The following BTBD9 variants were observed in gnomAD, a reference collection of about 807,000 sequenced individuals.
BTBD9 encodes the protein BTB domain containing 9, also known as BTB/POZ domain-containing protein 9.
In BTBD9, 49 loss-of-function variants were observed where a neutral mutation model predicts 64.3. The observed-to-expected ratio is 0.76, with a 90% CI of 0.61 to 0.97. The LOEUF is 0.97. BTBD9 is among the 50% of genes least tolerant of loss of function. The pLI, the probability that BTBD9 is intolerant of heterozygous loss-of-function variation, is 0.00. For synonymous variants in BTBD9, 260 were observed against 274.7 expected (o/e 0.95, Z 0.53); for missense variants, 598 against 762.1 (o/e 0.78, Z 2.53).
chr6:38,473,193 T>G (rs1385518011), intron 6 of BTBD9, among the ~76,000 whole-genome samples: 1 of 152,218 alleles, frequency 6.6e-6, no homozygotes, highest in Admixed American at 6.5e-5. Flanking sequence ...TTCTCTCTTC[T>G]ATTTATCCAT....
chr6:38,592,462 C>T (rs1489722369), intron 4 of BTBD9, 114 bp downstream of exon 4: 25 of 1,125,348 alleles, frequency 2.2e-5, no homozygotes, highest in Middle Eastern at 2.2e-4. Context: ...TGTTTATAAA[C>T]GTACATATTT....
At chr6:38,556,534 TGTGTGTGTGTGTGTGTGA>T (rs1449863563) in intron 6 of BTBD9, among the ~76,000 whole-genome samples, 2 of 52,194 alleles carry the variant, frequency 3.8e-5, no homozygotes, top group Non-Finnish European at 3.5e-5. Flanking sequence ...TGTGTGTGTG[TGTGTGTGTGTGTGTGTGA>T]GAGAGAGAGA....
At chr6:38,280,576 T>C (rs1304221337) in intron 8 of BTBD9, among the ~76,000 whole-genome samples, 3 of 152,236 alleles carry the variant, frequency 2.0e-5, no homozygotes, top group Admixed American at 6.5e-5. Context: ...AAAGGAAATT[T>C]CTAGCTCTCT....
chr6:38,275,147 G>C (rs1482191073), intron 8 of BTBD9, among the ~76,000 whole-genome samples: 1 of 152,148 alleles, frequency 6.6e-6, no homozygotes, highest in Non-Finnish European at 1.5e-5. Flanking sequence ...TTCCAAAACA[G>C]AGATATAGAT....
intron 3 of BTBD9, among the ~76,000 whole-genome samples, chr6:38,593,211 A>G (rs1030816675): frequency 2.0e-5 from 3 of 152,232 alleles, no homozygotes; most frequent in African/African-American, 7.2e-5. Context: ...GGCATTTAAA[A>G]TTCAAATTTT....
chr6:38,588,367 T>G, intron 4 of BTBD9: 1 of 863,338 alleles, frequency 1.2e-6, no homozygotes, highest in East Asian at 2.4e-5. Context: ...GGCCCCTGCC[T>G]CTCAACCTAG....
rs183072227 is a variant in BTBD9 at position 38,442,739 on chromosome 6, G to A, written c.1155-97646C>T. On this transcript the variant is annotated intron_variant, in intron 6 of 10. Transcript: ENST00000481247. ...GGCTGCAGTGCAATGGTGCAATCTC[G>A]GCTTACCGCAACCTCTGCCTCCCAG... 5.7e-5 allele frequency among the ~76,000 whole-genome samples: 8 copies of A among 139,938 alleles called. No individual in the cohort carries two copies. The East Asian group carries it at 1.7e-3, about 29-fold the overall frequency. The allele number at this position is 139,938 out of a possible 152,430, so 91.8% of individuals were successfully genotyped here. A position where few individuals can be genotyped will look rare whatever the true frequency, so the allele number is the denominator to read the frequency against.
chr6:38,179,276 C>A (rs948675504), intron 10 of BTBD9: 3 of 356,106 alleles, frequency 8.4e-6, no homozygotes, highest in Admixed American at 7.4e-5. Context: ...AACCTTTAAA[C>A]CTTGGAATCC....
At chr6:38,326,977 C>A (rs752961321) in intron 7 of BTBD9, among the ~76,000 whole-genome samples, 2 of 152,144 alleles carry the variant, frequency 1.3e-5, no homozygotes, top group African/African-American at 4.8e-5. Flanking sequence ...CTTTTACATT[C>A]GGCTTTATTA....
At chr6:38,419,420 G>A (rs1220972703) in intron 6 of BTBD9, among the ~76,000 whole-genome samples, 2 of 152,122 alleles carry the variant, frequency 1.3e-5, no homozygotes, top group African/African-American at 4.8e-5. Flanking sequence ...AAAAAATAGT[G>A]CTATTAAAAA....
intron 6 of BTBD9, among the ~76,000 whole-genome samples, chr6:38,489,339 T>C (rs1353339924): frequency 6.6e-6 from 1 of 152,166 alleles, no homozygotes; most frequent in East Asian, 1.9e-4. Context: ...TGGTGGCACA[T>C]GCCTGTAGCC....
intron 6 of BTBD9, among the ~76,000 whole-genome samples, chr6:38,369,873 T>C (rs1468241568): frequency 2.0e-5 from 3 of 152,140 alleles, no homozygotes; most frequent in African/African-American, 7.2e-5. Flanking sequence ...GTAATATAAA[T>C]CTGAAATGAA....
At chr6:38,335,880 C>T (rs1440544707) in intron 7 of BTBD9, among the ~76,000 whole-genome samples, 4 of 152,048 alleles carry the variant, frequency 2.6e-5, no homozygotes, top group Non-Finnish European at 5.9e-5. Context: ...ATTACAGGTG[C>T]CCGCCACCAC....
chr6:38,358,548 T>C (rs1052664234), intron 6 of BTBD9, among the ~76,000 whole-genome samples: 10 of 152,066 alleles, frequency 6.6e-5, no homozygotes, highest in Non-Finnish European at 1.2e-4. Flanking sequence ...CTCATAGGTA[T>C]GGGGAGCAGG....
intron 9 of BTBD9, among the ~76,000 whole-genome samples, chr6:38,224,634 A>G (rs1249748833): frequency 6.6e-6 from 1 of 152,384 alleles, no homozygotes; most frequent in African/African-American, 2.4e-5. Flanking sequence ...ATACAAAAGA[A>G]AAAACTTGTG....
At chr6:38,254,954 T>C (rs772623305) in intron 9 of BTBD9, among the ~76,000 whole-genome samples, 57 of 152,142 alleles carry the variant, frequency 3.7e-4, no homozygotes, top group African/African-American at 9.7e-4. Context: ...CATAAAAACT[T>C]GTACAGGAAT....
In BTBD9 at chr6:38,206,174, T is replaced by A. The variant is rs542371944; in HGVS notation, c.1563-13577A>T. Among the ~76,000 whole-genome samples, 52 of 151,832 alleles carry A rather than the reference T, an allele frequency of 3.4e-4. No homozygotes were observed. In the South Asian group the frequency reaches 8.7e-3, roughly 26 times the overall value. On this transcript the variant is annotated intron_variant, in intron 9 of 10. Transcript: ENST00000481247. ...TGTGTTGTGGGGGAAGAATCAGTGA[T>A]AGTACACAGAAAATTAATGAAGGAT...
chr6:38,185,940 C>T (rs559422475), intron 10 of BTBD9, among the ~76,000 whole-genome samples: 5 of 152,262 alleles, frequency 3.3e-5, no homozygotes, highest in South Asian at 2.1e-4. Context: ...TGTGGATGGA[C>T]GCTCATGGTG....
chr6:38,304,560 A>C (rs10947730), intron 7 of BTBD9, among the ~76,000 whole-genome samples: 118,783 of 148,616 alleles, frequency 0.8, 47,119 homozygotes, highest in African/African-American at 0.86. Flanking sequence ...AACAAACAAA[A>C]AAAAAAAAAA....
Sources: gnomAD v4.1 joint callset for allele counts (sites outside exome capture counted in the v4.1 genomes callset) on GRCh38, gnomAD v4.1.1 for gene constraint, MANE v1.5 for transcripts, NCBI Gene and HGNC (gene_info 2026-07-23, HGNC 2026-07-21) for gene names.